The following PLCE1 variants were observed in gnomAD, a reference collection of about 807,000 sequenced individuals.
PLCE1 encodes the protein phospholipase C epsilon 1.
Under a neutral mutation model 242.8 loss-of-function variants are expected in PLCE1, and 119 were observed. The observed-to-expected ratio is 0.49, with a 90% CI of 0.42 to 0.57. The LOEUF is 0.57. Among genes scored for constraint, PLCE1 ranks in the 20% least tolerant of loss-of-function variants. PLCE1 has a pLI of 0.00. For synonymous variants in PLCE1, 945 were observed against 1,017.4 expected (o/e 0.93, Z 1.35); for missense variants, 2,441 against 2,788.8 (o/e 0.88, Z 2.81).
At chr10:94,265,502 C>A in intron 14 of PLCE1, 145 bp from the exon 15 acceptor site, 1 of 719,464 alleles carries the variant, frequency 1.4e-6, no homozygotes, top group Non-Finnish European at 2.4e-6. Flanking sequence ...CTACTTCTTA[C>A]CACTACGTTA....
intron 4 of PLCE1, among the ~76,000 whole-genome samples, chr10:94,210,292 C>T (rs1209818993): frequency 6.6e-6 from 1 of 151,774 alleles, no homozygotes; most frequent in Admixed American, 6.6e-5. Flanking sequence ...GTCTTTACTC[C>T]TCTGAGGTTA....
At chr10:94,069,784 C>T (rs2044300057) in intron 2 of PLCE1, among the ~76,000 whole-genome samples, 1 of 152,168 alleles carries the variant, frequency 6.6e-6, no homozygotes, top group African/African-American at 2.4e-5. Context: ...GCATCTGAGA[C>T]AATCCCCTCT....
chr10:94,211,282 G>T (rs1174459675), intron 4 of PLCE1, among the ~76,000 whole-genome samples: 3 of 152,184 alleles, frequency 2.0e-5, no homozygotes, highest in Admixed American at 6.5e-5. Context: ...GCCTATGAAG[G>T]CCTACAGAGG....
chr10:94,192,966 T>A (rs1044268923), intron 4 of PLCE1, among the ~76,000 whole-genome samples: 1 of 152,212 alleles, frequency 6.6e-6, no homozygotes, highest in African/African-American at 2.4e-5. Flanking sequence ...AGCTCAAATT[T>A]CAGTGTCCAT....
rs1284838733 is a variant in PLCE1, at chr10:93,994,026, C to CGCGCGGCGGGAGGGGCAGCGGCG, written c.-591_-569dup. ...TGGGCAACGCGGCGGGCGGCGGGCT[C>CGCGCGGCGGGAGGGGCAGCGGCG]GCGCGGCGGGAGGGGCAGCGGCGGC... On this transcript the variant is annotated 5_prime_UTR_variant, in exon 1 of 33. Transcript: ENST00000371380. 2.0e-5 allele frequency among the ~76,000 whole-genome samples: 3 copies of CGCGCGGCGGGAGGGGCAGCGGCG among 151,650 alleles called. No individual in the cohort carries two copies. The highest frequency in any genetic ancestry group is 4.4e-5 in the Non-Finnish European group (3 of 67,816).
At chr10:94,041,955 G>A (rs77447900) in intron 2 of PLCE1, among the ~76,000 whole-genome samples, 2,189 of 151,986 alleles carry the variant, frequency 0.014, 50 homozygotes, top group African/African-American at 0.04. Context: ...CTTTAGGGCC[G>A]AGAATTTTAG....
intron 20 of PLCE1, among the ~76,000 whole-genome samples, chr10:94,282,767 C>T (rs7079402): frequency 3.4e-3 from 510 of 152,184 alleles, no homozygotes; most frequent in African/African-American, 0.012. Context: ...TCCTTTACCC[C>T]TTTCTGATTC....
At chr10:94,162,570 C>T (rs2047653202) in intron 3 of PLCE1, among the ~76,000 whole-genome samples, 1 of 152,012 alleles carries the variant, frequency 6.6e-6, no homozygotes, top group Admixed American at 6.6e-5. Flanking sequence ...GTCTTGCTAG[C>T]AGTCTATCAA....
At chr10:94,278,026 G>A (rs551644587) in intron 19 of PLCE1, among the ~76,000 whole-genome samples, 2 of 151,864 alleles carry the variant, frequency 1.3e-5, no homozygotes, top group Admixed American at 6.6e-5. Context: ...TTGAGAAATC[G>A]CAGCCTAGAC....
At chr10:94,257,293 T>C (rs1464867658) in intron 11 of PLCE1, among the ~76,000 whole-genome samples, 1 of 151,496 alleles carries the variant, frequency 6.6e-6, no homozygotes, top group African/African-American at 2.4e-5. Context: ...AAAATAGACT[T>C]CATGATATTC....
chr10:94,153,240 C>A (rs1221483907), intron 3 of PLCE1, among the ~76,000 whole-genome samples: 3 of 151,862 alleles, frequency 2.0e-5, no homozygotes, highest in African/African-American at 7.3e-5. Flanking sequence ...GTAATATATT[C>A]ATATAAAAAT....
In PLCE1 at chr10:94,255,035, C is replaced by A. The variant is rs758597789; in HGVS notation, c.3540C>A (p.Asn1180Lys). ...CCTCCCCTGTGCTGTCTTCTTCAAACAAGAGCCCATCCAGGTGGGGCCTTA... is the reference window on the plus strand; with the variant it reads ...CCTCCCCTGTGCTGTCTTCTTCAAAAAAGAGCCCATCCAGGTGGGGCCTTA... Reference protein sequence around the residue: ...PVSSPVLSSSNKSPSSAWSSS... With the variant: ...PVSSPVLSSSKKSPSSAWSSS... Residue 1180 changes from asparagine (N) to lysine (K), a missense_variant, in exon 11 of 33, where the codon AAC (asparagine) becomes AAA (lysine). Asn to Lys is a moderately conservative substitution (Grantham distance 94). Around this residue, in one of 5 missense-constraint regions of PLCE1, gnomAD observed 1,004 missense variants for 1,322.7 expected, o/e 0.76. Transcript: ENST00000371380. 1 of 1,614,138 alleles carries A rather than the reference C, an allele frequency of 6.2e-7. No individual in the cohort carries two copies. Among genetic ancestry groups the A allele is most frequent in the Non-Finnish European group, 8.5e-7 (1 of 1,180,000 alleles).
At chr10:94,002,031 G>T (rs1370528608) in intron 1 of PLCE1, among the ~76,000 whole-genome samples, 1 of 152,054 alleles carries the variant, frequency 6.6e-6, no homozygotes, top group Non-Finnish European at 1.5e-5. Flanking sequence ...TACTGTGCTT[G>T]AGGTTTTTCT....
intron 3 of PLCE1, among the ~76,000 whole-genome samples, chr10:94,170,752 A>G (rs1190043952): frequency 6.6e-6 from 1 of 152,158 alleles, no homozygotes; most frequent in Non-Finnish European, 1.5e-5. Flanking sequence ...TAATATGCAT[A>G]TACATATTCT....
chr10:94,169,674 A>C (rs1002457031), intron 3 of PLCE1, among the ~76,000 whole-genome samples: 1 of 152,228 alleles, frequency 6.6e-6, no homozygotes, highest in African/African-American at 2.4e-5. Flanking sequence ...TTAGGAAAAA[A>C]TAAATAAGTT....
intron 4 of PLCE1, among the ~76,000 whole-genome samples, chr10:94,191,384 G>C (rs765006421): frequency 6.6e-6 from 1 of 152,294 alleles, no homozygotes; most frequent in East Asian, 1.9e-4. Flanking sequence ...GCTCATGTCT[G>C]TGATCCCAGC....
chr10:94,030,087 G>T (rs769700004), intron 1 of PLCE1, among the ~76,000 whole-genome samples: 6 of 152,160 alleles, frequency 3.9e-5, no homozygotes, highest in Non-Finnish European at 7.3e-5. Flanking sequence ...GCTGGGTATA[G>T]AATTTGAAGT....
chr10:94,089,201 GGTTTCT>G (rs2044962343), intron 2 of PLCE1: 1 of 1,614,022 alleles, frequency 6.2e-7, no homozygotes, highest in South Asian at 1.1e-5. Context: ...CACCAGGCTT[GGTTTCT>G]GTGCAGCCTC....
In PLCE1 at chr10:94,176,624, AAG is replaced by A. The variant is rs551697481; in HGVS notation, c.1809+5132_1809+5133del. On this transcript the variant is annotated intron_variant, in intron 4 of 32. Transcript: ENST00000371380. ...ATGTTATAGTATCTTAAAGACAAGA[AAG>A]AGAATATTAGCTCCATTGCCGGTGC... Among the ~76,000 whole-genome samples, 71 of 152,294 alleles carry A rather than the reference AAG, an allele frequency of 4.7e-4. 3 individuals carry two copies. The South Asian group carries it at 0.015, about 32-fold the overall frequency.
Sources: gnomAD v4.1 joint callset for allele counts (sites outside exome capture counted in the v4.1 genomes callset) on GRCh38, gnomAD v4.1.1 for gene constraint, gnomAD v4.1.1 regional missense constraint, MANE v1.5 for transcripts, NCBI Gene and HGNC (gene_info 2026-07-23, HGNC 2026-07-21) for gene names.